The following SEC11C variants were observed in gnomAD, a reference collection of about 807,000 sequenced individuals.
SEC11C encodes the protein SEC11 homolog C, signal peptidase complex subunit, also known as signal peptidase complex catalytic subunit SEC11C.
A neutral mutation model predicts 21.9 loss-of-function variants in SEC11C; 10 were observed. That is an observed-to-expected ratio of 0.46 (90% CI 0.28 to 0.77). SEC11C has a LOEUF of 0.77. Ranked by LOEUF, SEC11C falls within the 30% of genes least tolerant of loss-of-function variation. The pLI is 0.12. For synonymous variants in SEC11C, 83 were observed against 85.6 expected, an observed-to-expected ratio of 0.97 and a Z score of 0.17; for missense variants, 145 against 244.5, an observed-to-expected ratio of 0.59 and a Z score of 2.71.
At chr18:59,154,794 G>A (rs1004433114) in intron 3 of SEC11C, among the ~76,000 whole-genome samples, 57 of 152,264 alleles carry the variant, frequency 3.7e-4, no homozygotes, top group African/African-American at 1.3e-3. Context: ...GGCTGGGCGC[G>A]GTGGCTTATG....
rs2069343739 is a variant in SEC11C, at chr18:59,150,933, AGG to A, written c.197+1312_197+1313del. Among the ~76,000 whole-genome samples, 6 of 152,222 alleles carry A rather than the reference AGG, an allele frequency of 3.9e-5. No individual in the cohort carries two copies. The South Asian group carries it at 1.2e-3, about 32-fold the overall frequency. On this transcript the variant is annotated intron_variant, in intron 2 of 5. Coordinates refer to ENST00000587834, the MANE Select transcript of SEC11C (RefSeq NM_033280.4). ...TCTCACAGACACACTTGCACACAGAAGGTAGTGTGAAATTGCTGCACTTAGGG... is the reference window on the plus strand; with the variant it reads ...TCTCACAGACACACTTGCACACAGAATAGTGTGAAATTGCTGCACTTAGGG...
At chr18:59,143,226 A>C (rs1212422951) in intron 1 of SEC11C, among the ~76,000 whole-genome samples, 2 of 151,722 alleles carry the variant, frequency 1.3e-5, no homozygotes, top group African/African-American at 2.4e-5. Context: ...GGTGGTGCAC[A>C]CCTGTTATCC....
chr18:59,148,904 TGTGCCCA>T (rs2069313653), intron 1 of SEC11C, among the ~76,000 whole-genome samples: 1 of 152,146 alleles, frequency 6.6e-6, no homozygotes, highest in Non-Finnish European at 1.5e-5. Context: ...CGTGAGCCAC[TGTGCCCA>T]GCCCCACCTG....
intron 3 of SEC11C, among the ~76,000 whole-genome samples, chr18:59,155,019 C>T (rs537906294): frequency 7.2e-4 from 110 of 152,274 alleles, no homozygotes; most frequent in African/African-American, 2.5e-3. Context: ...GAGCTGAGAT[C>T]GCACCAAGGC....
chr18:59,149,406 C>G, intron 1 of SEC11C, 107 bp from the exon 2 acceptor site: 1 of 697,484 alleles, frequency 1.4e-6, no homozygotes, highest in Non-Finnish European at 2.6e-6. Flanking sequence ...AGTTTCCTGT[C>G]CTAAAATCAT....
chr18:59,146,882 G>C (rs1482752409), intron 1 of SEC11C: 1 of 152,246 alleles, frequency 6.6e-6, no homozygotes, highest in Non-Finnish European at 1.5e-5. Context: ...CAGCTGGTCT[G>C]GGATGGACTT....
chr18:59,142,485 C>T (rs932638035), intron 1 of SEC11C, among the ~76,000 whole-genome samples: 2 of 152,130 alleles, frequency 1.3e-5, no homozygotes, highest in African/African-American at 4.8e-5. Flanking sequence ...AATGAAACAG[C>T]GGTTATTTAT....
chr18:59,142,774 G>A (rs141811082), intron 1 of SEC11C, among the ~76,000 whole-genome samples: 58 of 152,282 alleles, frequency 3.8e-4, no homozygotes, highest in Non-Finnish European at 6.9e-4. Context: ...TAAAGGCTTT[G>A]ATTGTTTCAT....
chr18:59,151,256 T>G (rs1399682189), intron 2 of SEC11C, among the ~76,000 whole-genome samples: 2 of 152,138 alleles, frequency 1.3e-5, no homozygotes, highest in East Asian at 3.9e-4. Context: ...CCACTGTATC[T>G]TCAGGAATTT....
At chr18:59,157,326 T>G (rs187620348) in intron 4 of SEC11C, 1 of 290,036 alleles carries the variant, frequency 3.4e-6, no homozygotes, top group East Asian at 6.1e-5. Context: ...CCTATTCTTT[T>G]TGTACAAGCG....
At chr18:59,151,844 T>C (rs533592628) in intron 2 of SEC11C, among the ~76,000 whole-genome samples, 170 of 152,332 alleles carry the variant, frequency 1.1e-3, no homozygotes, top group African/African-American at 3.9e-3. Context: ...ATAATGAATT[T>C]TTAAAATTTC....
intron 1 of SEC11C, chr18:59,148,147 A>G (rs139827059): frequency 0.013 from 1,934 of 152,540 alleles, 18 homozygotes; most frequent in Non-Finnish European, 0.019. Flanking sequence ...GAGACAGCAC[A>G]GTGTTGATGG....
intron 5 of SEC11C, 101 bp from the exon 6 acceptor site, chr18:59,158,531 C>G: frequency 1.1e-6 from 1 of 887,444 alleles, no homozygotes; most frequent in Non-Finnish European, 1.9e-6. Context: ...TCTTTTGATT[C>G]TGTCCTCAGC....
chr18:59,151,961 A>G (rs1219928041), intron 2 of SEC11C, among the ~76,000 whole-genome samples: 1 of 152,172 alleles, frequency 6.6e-6, no homozygotes, highest in Non-Finnish European at 1.5e-5. Context: ...AACCCAGTCA[A>G]TGTTTGTTAG....
chr18:59,140,183 C>T (rs1603375891), intron 1 of SEC11C, 148 bp downstream of exon 1: 1 of 620,280 alleles, frequency 1.6e-6, no homozygotes, highest in East Asian at 3.1e-5. Context: ...GCCCTGGGTT[C>T]TACGCCTACG....
At chr18:59,145,583 G>A (rs1407982477) in intron 1 of SEC11C, among the ~76,000 whole-genome samples, 4 of 152,348 alleles carry the variant, frequency 2.6e-5, no homozygotes, top group Non-Finnish European at 5.9e-5. Flanking sequence ...AAGCGGGGCT[G>A]CAGGGTTATA....
At chr18:59,149,404 G>C (rs938361553) in intron 1 of SEC11C, 109 bp from the exon 2 acceptor site, 5 of 684,066 alleles carry the variant, frequency 7.3e-6, no homozygotes, top group Non-Finnish European at 1.1e-5. Flanking sequence ...TTAGTTTCCT[G>C]TCCTAAAATC....
At chr18:59,140,422 T>G (rs1311549306) in intron 1 of SEC11C, among the ~76,000 whole-genome samples, 1 of 152,104 alleles carries the variant, frequency 6.6e-6, no homozygotes, top group Non-Finnish European at 1.5e-5. Context: ...GAGGCCTGAC[T>G]GCCGGCAGGT....
intron 2 of SEC11C, among the ~76,000 whole-genome samples, chr18:59,150,483 A>G (rs1480566645): frequency 6.6e-6 from 1 of 152,180 alleles, no homozygotes; most frequent in African/African-American, 2.4e-5. Flanking sequence ...ACTTCTAGAG[A>G]TCGCGTTTTC....
Sources: allele counts gnomAD v4.1 joint callset (sites outside exome capture counted in the v4.1 genomes callset), GRCh38; gene constraint gnomAD v4.1.1; transcripts MANE v1.5; gene names NCBI Gene and HGNC (gene_info 2026-07-23, HGNC 2026-07-21).